The following UNC13A variants were observed in gnomAD, a reference collection of about 807,000 sequenced individuals.
UNC13A encodes the protein unc-13 homolog A, also known as protein unc-13 homolog A.
UNC13A carries 61 observed loss-of-function variants against 219.7 expected under a neutral mutation model. The ratio of observed to expected loss-of-function variants is 0.28; its 90% confidence interval spans 0.23 to 0.34. UNC13A has a LOEUF of 0.34. Among genes scored for constraint, UNC13A ranks in the 10% least tolerant of loss-of-function variants. UNC13A has a pLI of 1.00. For missense variants in UNC13A, 1,476 were observed against 2,270.3 expected, an observed-to-expected ratio of 0.65 and a Z score of 7.11; for synonymous variants, 920 against 884.6, an observed-to-expected ratio of 1.04 and a Z score of -0.71.
intron 5 of UNC13A, among the ~76,000 whole-genome samples, 159 bp downstream of exon 5, chr19:17,669,394 G>A (rs957232994): frequency 3.3e-5 from 5 of 152,122 alleles, no homozygotes; most frequent in Admixed American, 6.5e-5. Context: ...CCTGTTCTCT[G>A]CAACCCAAGA....
At chr19:17,631,073 C>CTCCTTCCTTCCTTCCTTCCTTCCT (rs145013574) in intron 28 of UNC13A, among the ~76,000 whole-genome samples, 1 of 112,700 alleles carries the variant, frequency 8.9e-6, no homozygotes, top group East Asian at 2.3e-4. Flanking sequence ...CCCTCCCTCC[C>CTCCTTCCTTCCTTCCTTCCTTCCT]TCCTTCCTTC....
Position 17,679,332 on chromosome 19 carries a change from G to A in UNC13A, c.23-3291C>T, listed in dbSNP as rs1007934790. Among the ~76,000 whole-genome samples, 9 of 151,832 alleles carry A rather than the reference G, an allele frequency of 5.9e-5. No individual in the cohort carries two copies. The South Asian group carries it at 1.0e-3, about 18-fold the overall frequency. Reference sequence around the variant, plus strand: ...GGAGAATCGCTTGAACCCAGGAGGCGGAGGTTGCAGTGAGCCAAGATCACG... The same window carrying A: ...GGAGAATCGCTTGAACCCAGGAGGCAGAGGTTGCAGTGAGCCAAGATCACG... On this transcript the variant is annotated intron_variant, in intron 1 of 43. Coordinates refer to ENST00000519716, the MANE Select transcript of UNC13A (RefSeq NM_001080421.3).
intron 8 of UNC13A, among the ~76,000 whole-genome samples, chr19:17,659,813 C>T (rs889355208): frequency 6.6e-6 from 1 of 152,020 alleles, no homozygotes; most frequent in East Asian, 1.9e-4. Flanking sequence ...ATGAGAAGTA[C>T]GGGTAAGGGG....
At chr19:17,671,970 T>G (rs939094931) in intron 4 of UNC13A, among the ~76,000 whole-genome samples, 1 of 152,146 alleles carries the variant, frequency 6.6e-6, no homozygotes, top group Admixed American at 6.6e-5. Context: ...TTTTTAGCTG[T>G]GCCTAGGGAA....
intron 6 of UNC13A, among the ~76,000 whole-genome samples, chr19:17,667,269 A>AAAC (rs150280160): frequency 1.4e-3 from 211 of 150,618 alleles, no homozygotes; most frequent in African/African-American, 4.5e-3. Flanking sequence ...AAAAAAAAAA[A>AAAC]GATGGGAACA....
At chr19:17,670,039 T>C (rs1372881923) in intron 4 of UNC13A, among the ~76,000 whole-genome samples, 7 of 144,814 alleles carry the variant, frequency 4.8e-5, no homozygotes, top group African/African-American at 1.0e-4. Context: ...CTCTGCCTCC[T>C]GGGTTCACGC....
intron 1 of UNC13A, chr19:17,676,288 G>C: frequency 1.6e-6 from 1 of 633,136 alleles, no homozygotes. Flanking sequence ...GAGGGAGAGA[G>C]AGAAGCCATC....
At chr19:17,648,284 A>C in intron 16 of UNC13A, 147 bp downstream of exon 16, 12 of 505,708 alleles carry the variant, frequency 2.4e-5, no homozygotes, top group Non-Finnish European at 2.8e-5. Flanking sequence ...CCTTTCAGCG[A>C]GTCCCTCCCC....
intron 8 of UNC13A, among the ~76,000 whole-genome samples, chr19:17,660,029 G>A (rs1370495093): frequency 1.3e-5 from 2 of 152,070 alleles, no homozygotes; most frequent in Non-Finnish European, 2.9e-5. Flanking sequence ...CACAGTAGCT[G>A]GGACCACAGG....
chr19:17,685,888 C>A (rs1348417328), intron 1 of UNC13A, among the ~76,000 whole-genome samples: 1 of 152,030 alleles, frequency 6.6e-6, no homozygotes, highest in Non-Finnish European at 1.5e-5. Flanking sequence ...CTCAGCCTAG[C>A]TTCACTCCTG....
Position 17,611,689 on chromosome 19 carries a change from G to A in UNC13A, c.4651+74C>T. On this transcript the variant is annotated intron_variant, in intron 42 of 43. Transcript: ENST00000519716. ...ATTAAACAACAACAACAAAAAAAGG[G>A]TGTTGCTTAAGCCAGTTTGAGTTTG... 3 of 1,342,834 alleles carry A rather than the reference G, an allele frequency of 2.2e-6. No individual in the cohort carries two copies. The South Asian group carries it at 3.7e-5, about 17-fold the overall frequency. The allele number at this position is 1,342,834 out of a possible 1,614,324, so 83.2% of individuals were successfully genotyped here.
chr19:17,624,762 C>T, intron 35 of UNC13A, 67 bp downstream of exon 35: 1 of 1,544,754 alleles, frequency 6.5e-7, no homozygotes, highest in Non-Finnish European at 8.7e-7. Context: ...CCTCTAGGCA[C>T]CAAGTTTTCT....
intron 8 of UNC13A, 80 bp downstream of exon 8, chr19:17,663,452 A>G (rs2079587791): frequency 6.7e-7 from 1 of 1,499,718 alleles, no homozygotes; most frequent in African/African-American, 1.4e-5. Flanking sequence ...CCTGTGTGGT[A>G]GTGGGGAGGG....
intron 43 of UNC13A, 31 bp from the exon 44 acceptor site, chr19:17,606,385 G>A: frequency 2.6e-6 from 4 of 1,535,662 alleles, no homozygotes; most frequent in South Asian, 1.2e-5. Flanking sequence ...CGTGAGACAG[G>A]CCACACCTAC....
At chr19:17,610,207 T>C (rs2076587318) in intron 42 of UNC13A, 108 bp from the exon 43 acceptor site, 3 of 1,476,012 alleles carry the variant, frequency 2.0e-6, no homozygotes, top group Middle Eastern at 1.8e-4. Flanking sequence ...GGCTCACGCT[T>C]GTAATCCCAC....
rs553605266 is a variant in UNC13A at position 17,663,708 on chromosome 19, G to T, written c.524-141C>A. 5 of 771,366 alleles carry T rather than the reference G, an allele frequency of 6.5e-6. No individual in the cohort carries two copies. The Admixed American group carries it at 1.1e-4, about 17-fold the overall frequency. 47.8% of individuals were successfully genotyped at this position (771,366 alleles called of 1,614,324 possible). The stretch of plus-strand genomic sequence containing the variant: ...CTCTTGTCCTGAGTACCTTCCCTGA[G>T]TATCACCTTCATTGCTGACACTTGC... On this transcript the variant is annotated intron_variant, in intron 7 of 43. Transcript: ENST00000519716.
chr19:17,624,752 C>A, intron 35 of UNC13A, 77 bp downstream of exon 35: 1 of 1,524,840 alleles, frequency 6.6e-7, no homozygotes, highest in Non-Finnish European at 8.8e-7. Flanking sequence ...TACCCCCCAG[C>A]CTCTAGGCAC....
chr19:17,608,387 T>C (rs975641088), intron 43 of UNC13A, among the ~76,000 whole-genome samples: 9 of 136,126 alleles, frequency 6.6e-5, no homozygotes, highest in Admixed American at 1.6e-4. Flanking sequence ...TATATAAATA[T>C]ATATATATTT....
In UNC13A at chr19:17,659,680, C is replaced by T. The variant is rs574021023; in HGVS notation, c.560-1411G>A. On this transcript the variant is annotated intron_variant, in intron 8 of 43. Coordinates refer to ENST00000519716, the MANE Select transcript of UNC13A (RefSeq NM_001080421.3). The stretch of plus-strand genomic sequence containing the variant: ...GCTATTCGGGAGGGTATGGCAGGAG[C>T]ATTGCTGGAGCCCAGGAGGTCGAGG... Among the ~76,000 whole-genome samples, 3 of 151,914 alleles carry T rather than the reference C, an allele frequency of 2.0e-5. No individual in the cohort carries two copies. The South Asian group carries it at 6.3e-4, about 32-fold the overall frequency.
Sources: allele counts gnomAD v4.1 joint callset (sites outside exome capture counted in the v4.1 genomes callset), GRCh38; gene constraint gnomAD v4.1.1; transcripts MANE v1.5; gene names NCBI Gene and HGNC (gene_info 2026-07-23, HGNC 2026-07-21).